The following MYCBP2 variants were observed in gnomAD, a reference collection of about 807,000 sequenced individuals.
MYCBP2 encodes E3 ubiquitin-protein ligase MYCBP2.
In MYCBP2, 120 loss-of-function variants were observed where a neutral mutation model predicts 525.3. The observed-to-expected ratio is 0.23, with a 90% CI of 0.20 to 0.27. The LOEUF (loss-of-function observed/expected upper bound fraction) is 0.27. MYCBP2 is among the 10% of genes least tolerant of loss of function. The pLI, the probability that MYCBP2 is intolerant of heterozygous loss-of-function variation, is 1.00. For synonymous variants in MYCBP2, 1,894 were observed against 1,955.8 expected, an observed-to-expected ratio of 0.97 and a Z score of 0.83; for missense variants, 4,149 against 5,657.1, an observed-to-expected ratio of 0.73 and a Z score of 8.55.
chr13:77,280,800 A>G (rs924015859), intron 3 of MYCBP2, among the ~76,000 whole-genome samples: 1 of 152,228 alleles, frequency 6.6e-6, no homozygotes, highest in East Asian at 1.9e-4. Flanking sequence ...TTTGGTCACA[A>G]TGATGATAGG....
At chr13:77,152,684 C>T (rs967606511) in intron 46 of MYCBP2, among the ~76,000 whole-genome samples, 21 of 152,288 alleles carry the variant, frequency 1.4e-4, no homozygotes, top group South Asian at 1.0e-3. Flanking sequence ...TGGCTGGAGA[C>T]GGCTGGGCTT....
At chr13:77,307,981 C>T (rs1286809088) in intron 1 of MYCBP2, among the ~76,000 whole-genome samples, 1 of 152,230 alleles carries the variant, frequency 6.6e-6, no homozygotes, top group East Asian at 1.9e-4. Context: ...TGTGAGCTAT[C>T]TGCTCATGTT....
intron 49 of MYCBP2, 49 bp downstream of exon 49, chr13:77,144,396 A>C (rs2055183946): frequency 1.6e-6 from 2 of 1,265,804 alleles, no homozygotes; most frequent in Non-Finnish European, 2.3e-6. Context: ...AATAATTTTG[A>C]CTCTAGTTAT....
chr13:77,265,297 G>A (rs2073918857), intron 8 of MYCBP2, among the ~76,000 whole-genome samples: 1 of 152,062 alleles, frequency 6.6e-6, no homozygotes, highest in Admixed American at 6.6e-5. Context: ...GCTCTAAGCA[G>A]TAAGATTTTA....
chr13:77,146,247 G>A (rs766722399), intron 47 of MYCBP2, 30 bp from the exon 48 acceptor site: 29 of 1,463,268 alleles, frequency 2.0e-5, no homozygotes, highest in South Asian at 3.9e-5. Flanking sequence ...CTGAACAATC[G>A]TAAAATCATT....
intron 82 of MYCBP2, 99 bp downstream of exon 82, chr13:77,050,898 A>AT: frequency 9.4e-7 from 1 of 1,066,294 alleles, no homozygotes; most frequent in Non-Finnish European, 1.4e-6. Flanking sequence ...GCTAGTTTGA[A>AT]TTGAGTTTCT....
intron 55 of MYCBP2, among the ~76,000 whole-genome samples, chr13:77,106,118 A>T (rs1324690777): frequency 6.6e-6 from 1 of 152,168 alleles, no homozygotes; most frequent in Non-Finnish European, 1.5e-5. Flanking sequence ...CTGGAACCAC[A>T]AACTAGAAGA....
rs1489267263 is a variant in MYCBP2, at chr13:77,140,165, T to C, written c.7402-2A>G. On this transcript the variant is annotated splice_acceptor_variant, in intron 50 of 82. Transcript: ENST00000544440. LOFTEE classifies it high-confidence loss of function. Reference sequence around the variant, plus strand: ...GTCCTTGGCCACAAATTTTCGAACCTGAGAAAGGCAAAGATAAACAGTGAG... The same window carrying C: ...GTCCTTGGCCACAAATTTTCGAACCCGAGAAAGGCAAAGATAAACAGTGAG... 6.3e-7 allele frequency: 1 copy of C among 1,586,226 alleles called. No individual in the cohort carries two copies. The highest frequency in any genetic ancestry group is 8.6e-7 in the Non-Finnish European group (1 of 1,167,688).
intron 23 of MYCBP2, among the ~76,000 whole-genome samples, chr13:77,209,271 G>A (rs1419731251): frequency 2.0e-5 from 3 of 152,180 alleles, no homozygotes; most frequent in Non-Finnish European, 2.9e-5. Flanking sequence ...AAGACCCCAC[G>A]GAAATGGTTC....
intron 17 of MYCBP2, among the ~76,000 whole-genome samples, chr13:77,233,940 C>T (rs886443233): frequency 9.2e-5 from 14 of 151,674 alleles, no homozygotes; most frequent in African/African-American, 3.4e-4. Flanking sequence ...GGGCACCTAA[C>T]CCAAATAACA....
intron 14 of MYCBP2, among the ~76,000 whole-genome samples, chr13:77,254,608 G>A (rs1435177183): frequency 1.3e-5 from 2 of 151,608 alleles, no homozygotes; most frequent in East Asian, 3.9e-4. Flanking sequence ...AAGATAACTG[G>A]GATATTCTAA....
At position 77,227,487 on chromosome 13, in the gene MYCBP2, C is replaced by CAT. The variant is rs1555421170; in HGVS notation, c.2738-1934_2738-1933insAT. On this transcript the variant is annotated intron_variant, in intron 18 of 82. Coordinates refer to ENST00000544440, the MANE Select transcript of MYCBP2 (RefSeq NM_015057.5). ...CTACACACACACACACACATACACA[C>CAT]ACACACACACACACACACACACACA... Among the ~76,000 whole-genome samples, 11 of 26,524 alleles carry CAT rather than the reference C, an allele frequency of 4.1e-4. No individual in the cohort carries two copies. In the East Asian group the frequency reaches 7.8e-3, roughly 19 times the overall value. The allele number at this position is 26,524 out of a possible 152,430, so 17.4% of individuals were successfully genotyped here. A position where few individuals can be genotyped will look rare whatever the true frequency, so the allele number is the denominator to read the frequency against.
intron 54 of MYCBP2, among the ~76,000 whole-genome samples, chr13:77,123,489 T>C (rs1214004474): frequency 6.6e-6 from 1 of 152,248 alleles, no homozygotes; most frequent in Non-Finnish European, 1.5e-5. Context: ...GCATTTTGCA[T>C]TTTAACAATA....
chr13:77,106,329 T>C (rs2047844040), intron 55 of MYCBP2, among the ~76,000 whole-genome samples: 1 of 152,214 alleles, frequency 6.6e-6, no homozygotes, highest in South Asian at 2.1e-4. Context: ...GTGTTCAATT[T>C]GTTGATTTCT....
chr13:77,310,434 A>G (rs573233561), intron 1 of MYCBP2, among the ~76,000 whole-genome samples: 1 of 152,332 alleles, frequency 6.6e-6, no homozygotes, highest in Non-Finnish European at 1.5e-5. Context: ...ATTGGAACAC[A>G]GCCATGCTTA....
chr13:77,168,972 C>T (rs1006777553), intron 39 of MYCBP2, among the ~76,000 whole-genome samples: 3 of 152,172 alleles, frequency 2.0e-5, no homozygotes, highest in Non-Finnish European at 2.9e-5. Context: ...CACTCTTATC[C>T]TTTAACATTG....
chr13:77,049,631 A>C lies in MYCBP2; in HGVS notation c.13921+1366T>G, dbSNP rs927592964. Among the ~76,000 whole-genome samples the C allele has an allele frequency of 5.3e-5, 8 of 150,614 alleles. 1 individual carries two copies. The highest frequency in any genetic ancestry group is 1.3e-4 in the Admixed American group (2 of 15,126). ...TCTTACAAAAGGCAGCATACTGCAT[A>C]CTCTGTTCTGCAATTTGCTTTTTTT... On this transcript the variant is annotated intron_variant, in intron 82 of 82. Coordinates refer to ENST00000544440, the MANE Select transcript of MYCBP2 (RefSeq NM_015057.5).
At chr13:77,250,179 C>T (rs1448493127) in intron 15 of MYCBP2, among the ~76,000 whole-genome samples, 4 of 150,344 alleles carry the variant, frequency 2.7e-5, no homozygotes, top group Non-Finnish European at 5.9e-5. Context: ...GCCGAGATCC[C>T]GCCACTGCAC....
intron 80 of MYCBP2, among the ~76,000 whole-genome samples, chr13:77,054,050 T>G (rs1301005879): frequency 6.6e-6 from 1 of 151,830 alleles, no homozygotes; most frequent in East Asian, 1.9e-4. Context: ...TTGATGGAAG[T>G]GAGATGGGGG....
Sources: allele counts gnomAD v4.1 joint callset (sites outside exome capture counted in the v4.1 genomes callset), GRCh38; gene constraint gnomAD v4.1.1; transcripts MANE v1.5; gene names NCBI Gene and HGNC (gene_info 2026-07-23, HGNC 2026-07-21).